Variants in ARHGAP40 observed in about 807,000 individuals in gnomAD.
The protein encoded by ARHGAP40 is Rho GTPase activating protein 40.
ARHGAP40 carries 43 observed loss-of-function variants against 73.5 expected under a neutral mutation model. The ratio of observed to expected loss-of-function variants is 0.58; its 90% CI spans 0.46 to 0.75. The LOEUF (loss-of-function observed/expected upper bound fraction) is 0.75, where lower values mean the gene tolerates loss of function less well. Ranked by LOEUF, ARHGAP40 falls within the 30% of genes least tolerant of loss-of-function variation. ARHGAP40 has a pLI of 0.00. For synonymous variants in ARHGAP40, 300 were observed against 352.8 expected, an observed-to-expected ratio of 0.85 and a Z score of 1.68; for missense variants, 734 against 861.8, an observed-to-expected ratio of 0.85 and a Z score of 1.86.
chr20:38,640,334 A>G (rs2089010832), intron 9 of ARHGAP40, among the ~76,000 whole-genome samples: 1 of 150,252 alleles, frequency 6.7e-6, no homozygotes, highest in Non-Finnish European at 1.5e-5. Flanking sequence ...CTCCTGCCTC[A>G]GCCTCCCAAG....
chr20:38,608,420 C>T (rs2088785126), intron 1 of ARHGAP40, among the ~76,000 whole-genome samples: 3 of 152,192 alleles, frequency 2.0e-5, no homozygotes, highest in Admixed American at 2.0e-4. Flanking sequence ...TTTGCCCCAT[C>T]TTAAGAGGAC....
intron 1 of ARHGAP40, among the ~76,000 whole-genome samples, chr20:38,612,782 A>C (rs980137150): frequency 6.6e-6 from 1 of 152,238 alleles, no homozygotes; most frequent in Non-Finnish European, 1.5e-5. Flanking sequence ...ATTCATACTA[A>C]ATACCATATT....
In ARHGAP40 at chr20:38,637,743, C is replaced by A. The variant is rs1568610379; in HGVS notation, c.985C>A (p.Leu329Ile). Reference sequence around the variant, plus strand: ...CTTTGGTGTGCCCCTTGACAGCCTGCTAGAAGCTGACCACAAAGTCCTCCC... The same window carrying A: ...CTTTGGTGTGCCCCTTGACAGCCTGATAGAAGCTGACCACAAAGTCCTCCC... Residue 329 changes from leucine to isoleucine, a missense_variant, in exon 7 of 15, where the codon CTA becomes ATA. Physicochemically the swap from Leu to Ile is conservative, Grantham distance 5. Coordinates refer to ENST00000373345, the Ensembl canonical transcript of ARHGAP40. The A allele has an allele frequency of 7.7e-7, 1 of 1,305,194 alleles. No homozygotes were observed. The highest frequency in any genetic ancestry group is 2.3e-5 in the Admixed American group (1 of 43,536). 80.9% of individuals were successfully genotyped at this position (1,305,194 alleles called of 1,614,324 possible).
chr20:38,612,392 G>A (rs571707850), intron 1 of ARHGAP40, among the ~76,000 whole-genome samples: 23 of 152,298 alleles, frequency 1.5e-4, no homozygotes, highest in South Asian at 4.1e-4. Flanking sequence ...AAATAAAGTT[G>A]GCTGGGCACG....
chr20:38,633,845 G>A (rs1003467896), intron 5 of ARHGAP40, among the ~76,000 whole-genome samples: 8 of 152,182 alleles, frequency 5.3e-5, no homozygotes, highest in African/African-American at 1.9e-4. Flanking sequence ...TATTTCTGCC[G>A]GTGGCATGGC....
chr20:38,642,975 T>A (rs1292917058), intron 10 of ARHGAP40, among the ~76,000 whole-genome samples: 2 of 151,934 alleles, frequency 1.3e-5, no homozygotes, highest in African/African-American at 4.8e-5. Context: ...ACCCCGTCTG[T>A]ACTACAAATA....
chr20:38,626,795 C>A (rs1226502917), intron 2 of ARHGAP40, among the ~76,000 whole-genome samples, 200 bp from the exon 3 acceptor site: 2 of 152,120 alleles, frequency 1.3e-5, no homozygotes, highest in Non-Finnish European at 2.9e-5. Context: ...ATCAGTACCC[C>A]CCACCCCGCC....
At chr20:38,638,947 G>A (rs2088995417) in intron 8 of ARHGAP40, 109 bp downstream of exon 8, 2 of 1,058,104 alleles carry the variant, frequency 1.9e-6, no homozygotes, top group Admixed American at 4.7e-5. Flanking sequence ...TCTGTCTTTG[G>A]TCTCTGTGTG....
intron 8 of ARHGAP40, 112 bp from the exon 9 acceptor site, chr20:38,639,115 G>T (rs1343121395): frequency 4.5e-6 from 5 of 1,114,210 alleles, no homozygotes; most frequent in Non-Finnish European, 6.0e-6. Context: ...CGAGGGAGGT[G>T]CTCTTGTTGT....
At position 38,637,711 on chromosome 20, in the gene ARHGAP40, C is replaced by T. The variant is rs778190271; in HGVS notation, c.953C>T (p.Thr318Ile). 78 of 1,305,192 alleles carry T rather than the reference C, an allele frequency of 6.0e-5. No individual in the cohort carries two copies. In the African/African-American group the frequency reaches 1.0e-3, roughly 17 times the overall value. The allele number at this position is 1,305,192 out of a possible 1,614,324, so 80.9% of individuals were successfully genotyped here. ...TCTGCTCTTTGACTTTCTGCAGAAA[C>T]TCGCCTCTTTGGTGTGCCCCTTGAC... The change falls in exon 7 of 15, where the codon ACT (threonine) becomes ATT (isoleucine). Residue 318 changes from threonine (T) to isoleucine (I), a missense_variant. Transcript: ENST00000373345.
At chr20:38,603,008 A>C (rs1427699140) in intron 1 of ARHGAP40, among the ~76,000 whole-genome samples, 1 of 152,244 alleles carries the variant, frequency 6.6e-6, no homozygotes, top group Admixed American at 6.5e-5. Context: ...TTCACATCCT[A>C]GACTTGTAGT....
intron 9 of ARHGAP40, among the ~76,000 whole-genome samples, chr20:38,640,131 TTTC>T (rs1181162126): frequency 2.6e-5 from 2 of 76,670 alleles, no homozygotes; most frequent in East Asian, 2.3e-4. Context: ...CTTCCTCTTC[TTTC>T]TTCTTCTTTC....
At chr20:38,635,452 C>T (rs1256524711) in intron 6 of ARHGAP40, among the ~76,000 whole-genome samples, 5 of 152,086 alleles carry the variant, frequency 3.3e-5, no homozygotes, top group Non-Finnish European at 7.3e-5. Context: ...TCACTTGAGC[C>T]TGGGAGTTTG....
At chr20:38,631,591 G>A (rs1431866613) in intron 5 of ARHGAP40, among the ~76,000 whole-genome samples, 4 of 152,132 alleles carry the variant, frequency 2.6e-5, no homozygotes, top group African/African-American at 9.7e-5. Flanking sequence ...CTCCCACAGG[G>A]CCCCTCCCAC....
chr20:38,603,455 A>AT (rs2088751122), intron 1 of ARHGAP40, among the ~76,000 whole-genome samples: 1 of 126,770 alleles, frequency 7.9e-6, no homozygotes, highest in Non-Finnish European at 1.8e-5. Context: ...CTATCTATCT[A>AT]TCTATCTATT....
At chr20:38,614,897 T>A in intron 1 of ARHGAP40, 1 of 1,334,054 alleles carries the variant, frequency 7.5e-7, no homozygotes, top group Middle Eastern at 2.5e-4. Flanking sequence ...GCAAGCTGCC[T>A]GCACCAGGCC....
chr20:38,613,701 C>A (rs765115231), intron 1 of ARHGAP40, among the ~76,000 whole-genome samples: 23 of 152,206 alleles, frequency 1.5e-4, no homozygotes, highest in Non-Finnish European at 2.8e-4. Context: ...GCACCCATAG[C>A]TGTGCCTTCC....
At chr20:38,630,060 T>TC (rs1568608463) in intron 5 of ARHGAP40, among the ~76,000 whole-genome samples, 4 of 140,426 alleles carry the variant, frequency 2.8e-5, no homozygotes, top group African/African-American at 1.0e-4. Flanking sequence ...CCTCCTTCTT[T>TC]TTTCTTTCTT....
Position 38,622,516 on chromosome 20 carries a change from C to T in ARHGAP40, c.138-843C>T, listed in dbSNP as rs375389692. On this transcript the variant is annotated intron_variant, in intron 1 of 14. Coordinates refer to ENST00000373345, the Ensembl canonical transcript of ARHGAP40. ...GACCAGGAGACTTGCACTGTCTTAC[C>T]CTGAGATTCTTTGATTGCATGAAGC... Among the ~76,000 whole-genome samples the T allele has an allele frequency of 1.8e-3, 274 of 152,242 alleles. 3 individuals are homozygous for T. The highest frequency in any genetic ancestry group is 6.4e-3 in the African/African-American group (267 of 41,528).
Sources: gnomAD v4.1 joint callset for allele counts (sites outside exome capture counted in the v4.1 genomes callset) on GRCh38, gnomAD v4.1.1 for gene constraint, MANE v1.5 for transcripts, NCBI Gene and HGNC (gene_info 2026-07-23, HGNC 2026-07-21) for gene names.